STPG2: variants seen among roughly 807,000 people sequenced by gnomAD.
The protein encoded by STPG2 is sperm tail PG-rich repeat containing 2.
Under a neutral mutation model 54.2 loss-of-function variants are expected in STPG2, and 56 were observed. That is an observed-to-expected ratio of 1.03 (90% CI 0.83 to 1.29). The LOEUF (loss-of-function observed/expected upper bound fraction) is 1.29, where lower values mean the gene tolerates loss of function less well. Ranked by LOEUF, STPG2 falls within the 50% of genes most tolerant of loss-of-function variation. The pLI, the probability that STPG2 is intolerant of heterozygous loss-of-function variation, is 0.00. For missense variants in STPG2, 596 were observed against 544.9 expected, an observed-to-expected ratio of 1.09 and a Z score of -0.93; for synonymous variants, 200 against 181.8, an observed-to-expected ratio of 1.10 and a Z score of -0.81.
At chr4:97,897,704 T>G (rs973753061) in intron 8 of STPG2, among the ~76,000 whole-genome samples, 1 of 152,134 alleles carries the variant, frequency 6.6e-6, no homozygotes, top group African/African-American at 2.4e-5. Context: ...ATGTATGTCT[T>G]CTTTTGAAAA....
rs184083923 is a variant in STPG2 at position 97,566,382 on chromosome 4, C to T, written c.1321-7265G>A. 3.2e-3 allele frequency among the ~76,000 whole-genome samples: 488 copies of T among 152,296 alleles called. 3 individuals are homozygous for T. Among genetic ancestry groups the T allele is most frequent in the African/African-American group, 0.011 (468 of 41,566 alleles). On this transcript the variant is annotated intron_variant, in intron 10 of 10. Transcript: ENST00000295268. ...GGAAAGGGAACTCCCTGTCCCCTTGCGCTTCCCGAGTGAGGCAATGCCTCG... is the reference window on the plus strand; with the variant it reads ...GGAAAGGGAACTCCCTGTCCCCTTGTGCTTCCCGAGTGAGGCAATGCCTCG...
chr4:97,778,988 A>T (rs1427711985), intron 9 of STPG2, among the ~76,000 whole-genome samples: 1 of 152,184 alleles, frequency 6.6e-6, no homozygotes, highest in African/African-American at 2.4e-5. Context: ...GGAAAAAAAC[A>T]GAGTAGAAAA....
Position 97,454,990 on chromosome 4 carries a change from CTT to C in STPG2, c.462+257707_462+257708del, listed in dbSNP as rs370140332. On this transcript the variant is annotated intron_variant, in intron 4 of 4. Coordinates refer to the STPG2 transcript ENST00000522676. ...ATATTCCTACTACAGCACTTCAAGT[CTT>C]ATTATACAGCTACAGTTATCAAGAC... Among the ~76,000 whole-genome samples the C allele has an allele frequency of 1.8e-3, 279 of 152,102 alleles. 1 individual carries two copies. The highest frequency in any genetic ancestry group is 6.4e-3 in the African/African-American group (266 of 41,476).
chr4:97,530,595 A>G lies in STPG2; in HGVS notation c.462+182104T>C, dbSNP rs1731393420. On this transcript the variant is annotated intron_variant, in intron 4 of 4. Coordinates refer to the STPG2 transcript ENST00000522676. ...TCAATATTTTTTAAAAATCAAAGGC[A>G]TGACAAAGTAAGATGGTGGAGTAGA... Among the ~76,000 whole-genome samples, 9 of 152,338 alleles carry G rather than the reference A, an allele frequency of 5.9e-5. 1 individual carries two copies. In the South Asian group the frequency reaches 1.9e-3, roughly 32 times the overall value.
chr4:97,745,806 TTC>T (rs1725405825), intron 9 of STPG2, among the ~76,000 whole-genome samples: 2 of 151,246 alleles, frequency 1.3e-5, no homozygotes, highest in African/African-American at 4.8e-5. Flanking sequence ...CATGAAACAT[TTC>T]TCTGAGTCAA....
At chr4:97,808,957 A>G (rs2149095593) in intron 9 of STPG2, among the ~76,000 whole-genome samples, 1 of 152,214 alleles carries the variant, frequency 6.6e-6, no homozygotes, top group African/African-American at 2.4e-5. Context: ...AGAAAAATGG[A>G]CTGAATTACT....
chr4:97,812,993 G>T (rs769760119), intron 9 of STPG2, among the ~76,000 whole-genome samples: 1 of 152,018 alleles, frequency 6.6e-6, no homozygotes, highest in Non-Finnish European at 1.5e-5. Flanking sequence ...AAAAATCTTG[G>T]AGTCATCTTT....
intron 10 of STPG2, among the ~76,000 whole-genome samples, chr4:97,628,461 T>C (rs1734189354): frequency 6.6e-6 from 1 of 152,138 alleles, no homozygotes; most frequent in African/African-American, 2.4e-5. Flanking sequence ...AACTGAAAGT[T>C]TGAAAGTCTG....
At chr4:97,461,631 A>G (rs1729666712) in intron 4 of STPG2, among the ~76,000 whole-genome samples, 2 of 152,198 alleles carry the variant, frequency 1.3e-5, no homozygotes, top group African/African-American at 4.8e-5. Flanking sequence ...TAACCCACCC[A>G]GTCTATGGTA....
intron 5 of STPG2, among the ~76,000 whole-genome samples, chr4:98,019,196 T>C (rs1346306151): frequency 5.9e-5 from 9 of 152,290 alleles, no homozygotes; most frequent in Middle Eastern, 3.4e-3. Flanking sequence ...AATTTTTGTA[T>C]AAGGTGTAAG....
chr4:98,038,668 AAAT>A (rs1736850329), intron 5 of STPG2, among the ~76,000 whole-genome samples: 1 of 152,094 alleles, frequency 6.6e-6, no homozygotes, highest in Non-Finnish European at 1.5e-5. Context: ...AGATACCAAA[AAAT>A]AAAACCTGTG....
intron 8 of STPG2, among the ~76,000 whole-genome samples, chr4:97,861,079 T>C (rs1039552445): frequency 6.6e-6 from 1 of 151,966 alleles, no homozygotes; most frequent in African/African-American, 2.4e-5. Flanking sequence ...TGGCAGAAAA[T>C]ATTTACAAAC....
intron 5 of STPG2, among the ~76,000 whole-genome samples, chr4:98,082,595 G>T (rs1560671014): frequency 6.7e-6 from 1 of 149,590 alleles, no homozygotes; most frequent in African/African-American, 2.5e-5. Context: ...GGGACTACAG[G>T]CGCCCGCCAC....
chr4:97,947,005 T>C (rs1460257570), intron 7 of STPG2, among the ~76,000 whole-genome samples: 2 of 152,204 alleles, frequency 1.3e-5, no homozygotes, highest in Non-Finnish European at 2.9e-5. Flanking sequence ...TTCATAATAT[T>C]GATTCTTGCA....
intron 5 of STPG2, among the ~76,000 whole-genome samples, chr4:98,027,640 G>A (rs1336992830): frequency 3.3e-5 from 5 of 152,036 alleles, no homozygotes; most frequent in Non-Finnish European, 7.4e-5. Context: ...AGAAAAATGG[G>A]AAGAAAAAAG....
intron 4 of STPG2, among the ~76,000 whole-genome samples, chr4:97,495,322 T>G (rs143049610): frequency 2.2e-3 from 336 of 151,628 alleles, no homozygotes; most frequent in African/African-American, 7.9e-3. Flanking sequence ...AGCTAAAGTA[T>G]AGCATAAAAC....
At chr4:97,687,776 T>C (rs1320236691) in intron 10 of STPG2, among the ~76,000 whole-genome samples, 1 of 152,078 alleles carries the variant, frequency 6.6e-6, no homozygotes, top group Non-Finnish European at 1.5e-5. Context: ...TTAGAATATA[T>C]TATAATTTAT....
chr4:97,935,062 AC>A (rs373708356), intron 8 of STPG2, among the ~76,000 whole-genome samples: 347 of 152,230 alleles, frequency 2.3e-3, no homozygotes, highest in Admixed American at 6.0e-3. Flanking sequence ...CAAGGATTCG[AC>A]TTCTTCCTAC....
intron 4 of STPG2, among the ~76,000 whole-genome samples, chr4:97,520,177 T>C (rs1446402853): frequency 2.0e-5 from 3 of 151,894 alleles, no homozygotes; most frequent in Non-Finnish European, 4.4e-5. Context: ...GAAAGACAGT[T>C]GGTGGAAGGG....
Sources: gnomAD v4.1 joint callset for allele counts (sites outside exome capture counted in the v4.1 genomes callset) on GRCh38, gnomAD v4.1.1 for gene constraint, MANE v1.5 for transcripts, NCBI Gene and HGNC (gene_info 2026-07-23, HGNC 2026-07-21) for gene names.